Variants in BBOX1 observed in about 807,000 individuals in gnomAD.
The protein encoded by BBOX1 is gamma-butyrobetaine dioxygenase.
Under a neutral mutation model 41.6 loss-of-function variants are expected in BBOX1, and 35 were observed. The observed-to-expected ratio is 0.84, with a 90% CI of 0.64 to 1.11. The LOEUF (loss-of-function observed/expected upper bound fraction) is 1.11. BBOX1 is among the 50% of genes most tolerant of loss of function. The probability of loss-of-function intolerance (pLI) is 0.00; values close to 1 mark genes in which losing one functional copy is unlikely to be tolerated. For missense variants in BBOX1, 458 were observed against 460.6 expected, an observed-to-expected ratio of 0.99 and a Z score of 0.05; for synonymous variants, 163 against 154.7, an observed-to-expected ratio of 1.05 and a Z score of -0.40.
At chr11:27,093,404 T>TAA in intron 5 of BBOX1, 38 bp downstream of exon 5, 2 of 1,602,032 alleles carry the variant, frequency 1.2e-6, no homozygotes, top group Non-Finnish European at 1.7e-6. Context: ...CCATCACAGA[T>TAA]AAGGTTTGAA....
intron 4 of BBOX1, among the ~76,000 whole-genome samples, chr11:27,076,142 G>T (rs1419037913): frequency 6.6e-6 from 1 of 152,114 alleles, no homozygotes; most frequent in African/African-American, 2.4e-5. Context: ...TGCTCCTCTG[G>T]GTCTAGCCAC....
chr11:27,126,624 A>G (rs1169659969), intron 8 of BBOX1, among the ~76,000 whole-genome samples: 2 of 151,470 alleles, frequency 1.3e-5, no homozygotes, highest in Non-Finnish European at 2.9e-5. Flanking sequence ...GAATTTCACT[A>G]TCCTTTTTAT....
intron 2 of BBOX1, 33 bp from the exon 3 acceptor site, chr11:27,055,359 GC>G: frequency 1.4e-6 from 2 of 1,480,538 alleles, no homozygotes; most frequent in Non-Finnish European, 1.9e-6. Context: ...GATCTTATCT[GC>G]CTGAGATTCC....
intron 4 of BBOX1, among the ~76,000 whole-genome samples, chr11:27,067,470 C>G (rs1442349943): frequency 1.3e-5 from 2 of 151,986 alleles, no homozygotes; most frequent in East Asian, 3.9e-4. Flanking sequence ...CGCGGTGGCT[C>G]ACATCTGTAA....
At chr11:27,085,996 T>G (rs553371914) in intron 4 of BBOX1, among the ~76,000 whole-genome samples, 3 of 152,086 alleles carry the variant, frequency 2.0e-5, no homozygotes, top group Non-Finnish European at 2.9e-5. Flanking sequence ...TCTGTTTAAT[T>G]CTGTGAAGCC....
chr11:27,044,108 G>C (rs1276619988), intron 2 of BBOX1, among the ~76,000 whole-genome samples: 1 of 151,784 alleles, frequency 6.6e-6, no homozygotes, highest in Non-Finnish European at 1.5e-5. Flanking sequence ...AGCATCTGTT[G>C]TTTCCTGACT....
intron 4 of BBOX1, among the ~76,000 whole-genome samples, chr11:27,081,344 T>C (rs139306350): frequency 6.6e-6 from 1 of 152,284 alleles, no homozygotes; most frequent in African/African-American, 2.4e-5. Context: ...CTGAGAATGA[T>C]GGTTTCCAGC....
chr11:27,049,138 G>C (rs1021869932), intron 2 of BBOX1, among the ~76,000 whole-genome samples: 8 of 34,798 alleles, frequency 2.3e-4, no homozygotes, highest in Non-Finnish European at 3.8e-4. Context: ...AGTTATTTGG[G>C]GGGGGGGAAC....
chr11:27,103,927 T>C (rs2134068098), intron 5 of BBOX1, among the ~76,000 whole-genome samples: 1 of 152,292 alleles, frequency 6.6e-6, no homozygotes, highest in South Asian at 2.1e-4. Context: ...AAAGGAGACA[T>C]GATTCAGAAA....
intron 5 of BBOX1, among the ~76,000 whole-genome samples, chr11:27,107,750 A>G (rs1396861572): frequency 6.6e-6 from 1 of 152,014 alleles, no homozygotes; most frequent in East Asian, 1.9e-4. Flanking sequence ...CCAAGTACTA[A>G]CCAGGCCTAA....
At chr11:27,059,073 C>T (rs554740054) in intron 4 of BBOX1, among the ~76,000 whole-genome samples, 1 of 152,284 alleles carries the variant, frequency 6.6e-6, no homozygotes, top group South Asian at 2.1e-4. Context: ...ATCACAGACC[C>T]AGAGGCCTAG....
chr11:27,092,655 A>G (rs1252994200), intron 4 of BBOX1, among the ~76,000 whole-genome samples: 1 of 151,966 alleles, frequency 6.6e-6, no homozygotes, highest in Non-Finnish European at 1.5e-5. Context: ...ACTTGATCCC[A>G]GAGGTTGCTT....
intron 4 of BBOX1, among the ~76,000 whole-genome samples, chr11:27,079,253 T>C (rs1857749452): frequency 6.6e-6 from 1 of 152,170 alleles, no homozygotes; most frequent in Non-Finnish European, 1.5e-5. Context: ...TAGTTTCACT[T>C]CAATAGAATT....
At chr11:27,055,372 T>C in intron 2 of BBOX1, 21 bp from the exon 3 acceptor site, 1 of 1,553,344 alleles carries the variant, frequency 6.4e-7, no homozygotes, top group East Asian at 2.3e-5. Flanking sequence ...TGAGATTCCT[T>C]TTAACACTGA....
At chr11:27,063,295 T>C (rs1200585283) in intron 4 of BBOX1, among the ~76,000 whole-genome samples, 1 of 152,146 alleles carries the variant, frequency 6.6e-6, no homozygotes, top group Non-Finnish European at 1.5e-5. Flanking sequence ...CTAATTATAA[T>C]TTAGCTCTCG....
intron 3 of BBOX1, 60 bp downstream of exon 3, chr11:27,055,709 C>T: frequency 6.8e-7 from 1 of 1,468,140 alleles, no homozygotes; most frequent in Non-Finnish European, 9.4e-7. Context: ...GGCTAGTCAA[C>T]AATAATTTAG....
At chr11:27,077,772 G>A (rs1243254753) in intron 4 of BBOX1, among the ~76,000 whole-genome samples, 1 of 152,054 alleles carries the variant, frequency 6.6e-6, no homozygotes, top group Non-Finnish European at 1.5e-5. Context: ...GTACAGAGAT[G>A]ACTTATATTT....
intron 5 of BBOX1, 103 bp from the exon 6 acceptor site, chr11:27,115,349 A>G: frequency 4.3e-6 from 4 of 919,842 alleles, no homozygotes; most frequent in Non-Finnish European, 6.4e-6. Flanking sequence ...TTATTTCAAA[A>G]AATGAAAAGT....
chr11:27,069,794 C>T (rs544467838), intron 4 of BBOX1, among the ~76,000 whole-genome samples: 15 of 152,218 alleles, frequency 9.9e-5, no homozygotes, highest in African/African-American at 3.6e-4. Context: ...CACCTCCTAG[C>T]ATTTTGAGGT....
Sources: allele counts gnomAD v4.1 joint callset (sites outside exome capture counted in the v4.1 genomes callset), GRCh38; gene constraint gnomAD v4.1.1; transcripts MANE v1.5; gene names NCBI Gene and HGNC (gene_info 2026-07-23, HGNC 2026-07-21).